IMMP2L: variants seen among roughly 807,000 people sequenced by gnomAD.
IMMP2L encodes the protein mitochondrial inner membrane protease subunit 2.
Under a neutral mutation model 19.3 loss-of-function variants are expected in IMMP2L, and 18 were observed. The observed-to-expected ratio is 0.93, with a 90% confidence interval of 0.64 to 1.38. The LOEUF is 1.38. Among genes scored for constraint, IMMP2L ranks in the 40% most tolerant of loss-of-function variants. IMMP2L has a pLI of 0.00. For missense variants in IMMP2L, 233 were observed against 218.2 expected, an observed-to-expected ratio of 1.07 and a Z score of -0.43; for synonymous variants, 76 against 73.0, an observed-to-expected ratio of 1.04 and a Z score of -0.21.
chr7:111,048,226 G>A (rs10242551), intron 3 of IMMP2L, among the ~76,000 whole-genome samples: 3,741 of 104,680 alleles, frequency 0.036, 183 homozygotes, highest in African/African-American at 0.14. Context: ...GCGACAGAGC[G>A]AGACTCTGTC....
At chr7:111,452,090 G>T (rs577470392) in intron 3 of IMMP2L, among the ~76,000 whole-genome samples, 2 of 152,104 alleles carry the variant, frequency 1.3e-5, no homozygotes, top group South Asian at 4.2e-4. Context: ...AAATACTTTA[G>T]ACTTATGTTT....
chr7:111,217,116 T>TCA (rs1458559440), intron 3 of IMMP2L, among the ~76,000 whole-genome samples: 5 of 145,078 alleles, frequency 3.4e-5, no homozygotes, highest in African/African-American at 1.1e-4. Flanking sequence ...TCTCTCTCTC[T>TCA]CTCTCTCTCT....
intron 4 of IMMP2L, among the ~76,000 whole-genome samples, chr7:110,891,622 T>C (rs1810810685): frequency 6.6e-6 from 1 of 152,200 alleles, no homozygotes; most frequent in African/African-American, 2.4e-5. Context: ...ATATACATGC[T>C]ATATTTAAAT....
intron 3 of IMMP2L, among the ~76,000 whole-genome samples, chr7:111,074,436 T>A (rs1235806868): frequency 1.3e-5 from 2 of 152,246 alleles, no homozygotes; most frequent in African/African-American, 2.4e-5. Context: ...TTCTTAAGGT[T>A]CGGAGCAAAA....
chr7:110,949,067 TGA>T (rs1163558503), intron 4 of IMMP2L, among the ~76,000 whole-genome samples: 1 of 152,214 alleles, frequency 6.6e-6, no homozygotes, highest in East Asian at 1.9e-4. Context: ...TCCCTTGTTT[TGA>T]GACATTTCGG....
chr7:110,959,218 AT>A (rs1818678903), intron 4 of IMMP2L, among the ~76,000 whole-genome samples: 1 of 151,918 alleles, frequency 6.6e-6, no homozygotes. Context: ...CCAAGAAAAT[AT>A]TTTTGGTGAC....
chr7:111,513,253 A>C (rs1413197696), intron 2 of IMMP2L, among the ~76,000 whole-genome samples: 1 of 152,142 alleles, frequency 6.6e-6, no homozygotes, highest in Admixed American at 6.5e-5. Context: ...TAAGGTACAC[A>C]AACAACTCTA....
Position 111,432,974 on chromosome 7 carries a change from A to T in IMMP2L, c.239+54264T>A, listed in dbSNP as rs542990831. 2.6e-5 allele frequency among the ~76,000 whole-genome samples: 4 copies of T among 151,814 alleles called. No homozygotes were observed. In the South Asian group the frequency reaches 8.3e-4, roughly 32 times the overall value. ...CAGCTACAAAAAAAAAGAAAAAAAA[A>T]AACACACCTGGGAATATATTTAACA... On this transcript the variant is annotated intron_variant, in intron 3 of 5. Transcript: ENST00000405709.
At chr7:111,013,162 G>A (rs1166379436) in intron 3 of IMMP2L, among the ~76,000 whole-genome samples, 1 of 152,146 alleles carries the variant, frequency 6.6e-6, no homozygotes, top group East Asian at 1.9e-4. Context: ...AGATGAGGCT[G>A]TTGTGGTAAA....
chr7:110,822,318 T>C (rs1803105794), intron 5 of IMMP2L, among the ~76,000 whole-genome samples: 2 of 152,114 alleles, frequency 1.3e-5, no homozygotes, highest in Admixed American at 6.6e-5. Context: ...CTTGAATCAT[T>C]TGCAGGACAT....
chr7:111,225,372 G>GT (rs1401627329), intron 3 of IMMP2L, among the ~76,000 whole-genome samples: 1 of 152,008 alleles, frequency 6.6e-6, no homozygotes, highest in Admixed American at 6.6e-5. Context: ...AATGGGATTT[G>GT]TTTATGCTGT....
intron 5 of IMMP2L, among the ~76,000 whole-genome samples, chr7:110,834,611 T>C (rs1804267737): frequency 6.6e-6 from 1 of 152,124 alleles, no homozygotes; most frequent in South Asian, 2.1e-4. Flanking sequence ...AAGAATTAAA[T>C]TTTTGAGTTC....
chr7:111,466,153 C>T (rs189759216), intron 3 of IMMP2L, among the ~76,000 whole-genome samples: 8 of 152,204 alleles, frequency 5.3e-5, no homozygotes, highest in Admixed American at 3.3e-4. Context: ...GGAAGGGGAA[C>T]ATCACACACT....
chr7:111,232,721 G>GA (rs949073789), intron 3 of IMMP2L, among the ~76,000 whole-genome samples: 12 of 151,998 alleles, frequency 7.9e-5, no homozygotes, highest in African/African-American at 2.9e-4. Flanking sequence ...GTATTAAAAT[G>GA]AAAATGTGAT....
At chr7:110,962,974 G>T in intron 4 of IMMP2L, 2 of 1,470,432 alleles carry the variant, frequency 1.4e-6, no homozygotes, top group South Asian at 2.8e-5. Flanking sequence ...CAATAAATAC[G>T]ACATTACTAA....
intron 3 of IMMP2L, among the ~76,000 whole-genome samples, chr7:111,409,317 C>G (rs561577293): frequency 4.0e-5 from 6 of 151,556 alleles, no homozygotes; most frequent in African/African-American, 1.5e-4. Flanking sequence ...ATATGGTTAT[C>G]AGCCCACAGC....
intron 1 of IMMP2L, among the ~76,000 whole-genome samples, chr7:111,547,725 T>TC (rs1300770601): frequency 6.8e-6 from 1 of 146,218 alleles, no homozygotes; most frequent in Non-Finnish European, 1.5e-5. Context: ...CAGTCTAATT[T>TC]TTTTTTTTTT....
intron 3 of IMMP2L, among the ~76,000 whole-genome samples, chr7:111,073,702 G>C (rs1298503394): frequency 6.6e-6 from 1 of 152,116 alleles, no homozygotes; most frequent in Non-Finnish European, 1.5e-5. Context: ...TTTCCCTTGA[G>C]AGGCATCTTC....
At chr7:110,713,436 G>A (rs1795029704) in intron 5 of IMMP2L, among the ~76,000 whole-genome samples, 1 of 152,054 alleles carries the variant, frequency 6.6e-6, no homozygotes. Context: ...AGATTTTTCT[G>A]ATTCTGTGAA....
Sources: gnomAD v4.1 joint callset for allele counts (sites outside exome capture counted in the v4.1 genomes callset) on GRCh38, gnomAD v4.1.1 for gene constraint, MANE v1.5 for transcripts, NCBI Gene and HGNC (gene_info 2026-07-23, HGNC 2026-07-21) for gene names.